ECE1: variants seen among roughly 807,000 people sequenced by gnomAD.
The protein encoded by ECE1 is endothelin-converting enzyme 1.
Under a neutral mutation model 98.6 loss-of-function variants are expected in ECE1, and 35 were observed. The ratio of observed to expected loss-of-function variants is 0.35; its 90% CI spans 0.27 to 0.47. The LOEUF is 0.47. ECE1 is among the 20% of genes least tolerant of loss of function. ECE1 has a pLI of 1.00. For missense variants in ECE1, 814 were observed against 1,025.3 expected (o/e 0.79, Z 2.81); for synonymous variants, 394 against 407.1 (o/e 0.97, Z 0.39).
Position 21,247,452 on chromosome 1 carries a change from A to G in ECE1, c.1021-89T>C, listed in dbSNP as rs1055911507. 10 of 1,601,926 alleles carry G rather than the reference A, an allele frequency of 6.2e-6. No homozygotes were observed. In the African/African-American group the frequency reaches 1.1e-4, roughly 17 times the overall value. On this transcript the variant is annotated intron_variant, in intron 8 of 18. Coordinates refer to ENST00000374893, the MANE Select transcript of ECE1 (RefSeq NM_001397.3). ...GACGGGCTTCTACAGGAAGCAAAGG[A>G]AAGAGCTTGGGCTTGGCGCCATCTG...
Position 21,233,605 on chromosome 1 carries a change from T to G in ECE1, c.1623A>C (p.Ser541=), listed in dbSNP as rs777795143. The G allele has an allele frequency of 6.2e-7, 1 of 1,613,612 alleles. No individual in the cohort carries two copies. The highest frequency in any genetic ancestry group is 1.3e-5 in the African/African-American group (1 of 74,900). Residue 541 remains serine, a synonymous_variant, in exon 14 of 19, where the codon TCA becomes TCC. Transcript: ENST00000374893. The surrounding 1 kb of genome is among the most constrained non-coding windows in gnomAD (Gnocchi z 4.0). ...TGAGCTGATCGGCAGTGACCCTCCA[T>G]GAGAAGTTGAAAAACCGCATGGCAT... is the stretch of plus-strand genomic sequence containing the variant. The part of the protein sequence containing the change: ...FENAMRFFNF[S]WRVTADQLRK...
At position 21,307,377 on chromosome 1, in the gene ECE1, A is replaced by T. The variant is rs886446741; in HGVS notation, c.4-17221T>A. Among the ~76,000 whole-genome samples, 1 of 152,070 alleles carries T rather than the reference A, an allele frequency of 6.6e-6. No individual in the cohort carries two copies. Among genetic ancestry groups the T allele is most frequent in the Non-Finnish European group, 1.5e-5 (1 of 68,006 alleles). The stretch of plus-strand genomic sequence containing the variant: ...TTGAGCGAGTCATGTCACCTCTCGG[A>T]GCCTCAATTTCCTCCCTCTGCATGG... On this transcript the variant is annotated intron_variant, in intron 1 of 18. Transcript: ENST00000415912. The surrounding 1 kb of genome is among the most constrained non-coding windows in gnomAD (Gnocchi z 4.2).
intron 1 of ECE1, among the ~76,000 whole-genome samples, chr1:21,310,247 G>C (rs976118478): frequency 9.9e-5 from 15 of 152,154 alleles, no homozygotes; most frequent in Admixed American, 3.9e-4. Context: ...TCTTCCCCTT[G>C]TGTGTTACCT....
At chr1:21,285,647 G>A (rs1558414058) in intron 2 of ECE1, among the ~76,000 whole-genome samples, 1 of 141,320 alleles carries the variant, frequency 7.1e-6, no homozygotes, top group African/African-American at 2.7e-5. Flanking sequence ...CCATGATCAC[G>A]CCACTGCACT....
chr1:21,230,278 A>G (rs1221032320), intron 14 of ECE1, among the ~76,000 whole-genome samples: 1 of 152,164 alleles, frequency 6.6e-6, no homozygotes, highest in East Asian at 1.9e-4. Context: ...TCACTTTTCG[A>G]GTTTTGGTGT....
chr1:21,257,633 G>C (rs2103287708), intron 6 of ECE1, 43 bp from the exon 7 acceptor site: 1 of 1,603,806 alleles, frequency 6.2e-7, no homozygotes, highest in Non-Finnish European at 8.5e-7. Flanking sequence ...GTGTTGCAAT[G>C]CGTGTATCCA....
chr1:21,228,910 G>A (rs908738067), intron 14 of ECE1, among the ~76,000 whole-genome samples: 4 of 148,904 alleles, frequency 2.7e-5, no homozygotes, highest in Non-Finnish European at 5.9e-5. Flanking sequence ...GTGCGACTGC[G>A]GCTCACTGCA....
chr1:21,261,394 G>C (rs752832197), intron 4 of ECE1, among the ~76,000 whole-genome samples: 1 of 152,034 alleles, frequency 6.6e-6, no homozygotes, highest in African/African-American at 2.4e-5. Context: ...CCAGATACTA[G>C]ATGCTTACTC....
intron 4 of ECE1, among the ~76,000 whole-genome samples, chr1:21,267,904 G>A (rs867372867): frequency 1.2e-4 from 18 of 152,298 alleles, no homozygotes; most frequent in Admixed American, 1.0e-3. Flanking sequence ...TCACCGACAT[G>A]GACACGTTTA....
intron 1 of ECE1, among the ~76,000 whole-genome samples, chr1:21,302,053 G>A (rs566522488): frequency 6.6e-6 from 1 of 152,256 alleles, no homozygotes; most frequent in African/African-American, 2.4e-5. Flanking sequence ...AGGAAAGCAC[G>A]TGAGGCCCAA....
intron 9 of ECE1, among the ~76,000 whole-genome samples, chr1:21,245,436 C>T (rs1416794379): frequency 2.0e-5 from 3 of 152,154 alleles, no homozygotes. Flanking sequence ...GTGTATGCTA[C>T]AGGGCTGGGC....
At position 21,225,372 on chromosome 1, in the gene ECE1, G is replaced by C. The variant is rs780170539; in HGVS notation, c.1918C>G (p.Arg640Gly). The change falls in exon 17 of 19, where the codon CGT (arginine) becomes GGT (glycine). Residue 640 changes from arginine (R) to glycine (G), a missense_variant. Physicochemically the swap from Arg to Gly is moderately radical, Grantham distance 125 (BLOSUM62 -2). This residue lies in a region of ECE1 where 452 missense variants were observed against 567.3 expected (regional missense o/e 0.80). Coordinates refer to ENST00000374893, the MANE Select transcript of ECE1 (RefSeq NM_001397.3). This position sits in a 1 kb window ranked among gnomAD's most constrained non-coding sequence, Gnocchi z 5.3. ...TGCTCTACCATGCACTCGGTCTGAC[G>C]CTTGAAGGCCTCCACGGATGAGTTC... Reference protein sequence around the residue: ...WKNSSVEAFKRQTECMVEQYS... With the variant: ...WKNSSVEAFKGQTECMVEQYS... 5.6e-6 allele frequency: 9 copies of C among 1,614,106 alleles called. No individual in the cohort carries two copies. Among genetic ancestry groups the C allele is most frequent in the Non-Finnish European group, 7.6e-6 (9 of 1,180,056 alleles).
intron 7 of ECE1, 96 bp downstream of exon 7, chr1:21,257,429 T>G: frequency 2.9e-6 from 4 of 1,384,802 alleles, no homozygotes; most frequent in Non-Finnish European, 4.1e-6. Context: ...ACCCCTGGGC[T>G]CCCCTAGCTT....
chr1:21,287,736 CG>C (rs1474913187), intron 2 of ECE1, among the ~76,000 whole-genome samples: 1 of 151,928 alleles, frequency 6.6e-6, no homozygotes, highest in Non-Finnish European at 1.5e-5. Flanking sequence ...CAGCATGTTT[CG>C]GAAGTTTCTG....
Position 21,272,768 on chromosome 1 carries a change from C to T in ECE1, c.424G>A (p.Gly142Ser). The T allele has an allele frequency of 1.2e-6, 2 of 1,614,260 alleles. No homozygotes were observed. The highest frequency in any genetic ancestry group is 1.7e-6 in the Non-Finnish European group (2 of 1,180,040). ...GWIKANPVPD[G>S]HSRWGTFSNL... ...CTGAAGGTCCCCCAGCGTGAGTGGC[C>T]ATCAGGGACTGGGTTGGCCTTGATC... Residue 142 changes from glycine (G) to serine (S), a missense_variant, in exon 4 of 19, where the codon GGC becomes AGC. Physicochemically the swap from Gly to Ser is moderately conservative, Grantham distance 56 (BLOSUM62 0). Transcript: ENST00000374893.
At chr1:21,337,841 A>G (rs1033389508) in intron 1 of ECE1, among the ~76,000 whole-genome samples, 1 of 152,202 alleles carries the variant, frequency 6.6e-6, no homozygotes, top group Non-Finnish European at 1.5e-5. Context: ...ACCTGGGCCC[A>G]TCAGTCTCCA....
At chr1:21,302,323 C>A (rs1324375739) in intron 1 of ECE1, among the ~76,000 whole-genome samples, 1 of 152,212 alleles carries the variant, frequency 6.6e-6, no homozygotes, top group African/African-American at 2.4e-5. Flanking sequence ...AAGCGCCCTA[C>A]ACACATCACT....
At chr1:21,324,069 G>T (rs1021913988) in intron 1 of ECE1, among the ~76,000 whole-genome samples, 36 of 152,072 alleles carry the variant, frequency 2.4e-4, no homozygotes, top group African/African-American at 8.2e-4. Flanking sequence ...TGATCCACCT[G>T]CCTCAGCCTC....
At chr1:21,224,751 CTTGTT>C (rs2098171658) in intron 17 of ECE1, among the ~76,000 whole-genome samples, 1 of 152,212 alleles carries the variant, frequency 6.6e-6, no homozygotes, top group African/African-American at 2.4e-5. Flanking sequence ...TCTAAATCAT[CTTGTT>C]TTATCTTCCC....
Sources: allele counts gnomAD v4.1 joint callset (sites outside exome capture counted in the v4.1 genomes callset), GRCh38; gene constraint gnomAD v4.1.1; regional missense constraint gnomAD v4.1.1; non-coding constraint Gnocchi (gnomAD v3.1); transcripts MANE v1.5; gene names NCBI Gene and HGNC (gene_info 2026-07-23, HGNC 2026-07-21).